Variants in NBPF14 observed in about 807,000 individuals in gnomAD.
NBPF14 encodes NBPF member 14.
NBPF14 carries 104 observed loss-of-function variants against 91.2 expected under a neutral mutation model. That is an observed-to-expected ratio of 1.14 (90% CI 0.97 to 1.34). NBPF14 has a LOEUF of 1.34. Among genes scored for constraint, NBPF14 ranks in the 40% most tolerant of loss-of-function variants. The pLI is 0.00. For synonymous variants in NBPF14, 294 were observed against 303.8 expected (o/e 0.97, Z 0.34); for missense variants, 908 against 783.0 (o/e 1.16, Z -1.91).
chr1:148,535,254 C>T (rs1446573709), intron 68 of NBPF14, among the ~76,000 whole-genome samples, 199 bp downstream of exon 68: 1 of 150,678 alleles, frequency 6.6e-6, no homozygotes, highest in African/African-American at 2.5e-5. Context: ...TATGGTCAAC[C>T]TACAGTAAGT....
intron 69 of NBPF14, 38 bp downstream of exon 69, chr1:148,534,646 C>A (rs1321537481): frequency 5.8e-6 from 5 of 863,404 alleles, no homozygotes; most frequent in Admixed American, 1.7e-5. Context: ...TCTGGAAGAC[C>A]AGGTGGAGGC....
intron 24 of NBPF14, 121 bp from the exon 25 acceptor site, chr1:148,569,548 G>A (rs1190687572): frequency 3.7e-5 from 11 of 295,648 alleles, no homozygotes; most frequent in African/African-American, 1.2e-4. Context: ...ATCCATTAAT[G>A]AGGTAACAAA....
chr1:148,557,275 A>T (rs1656798669), intron 40 of NBPF14, among the ~76,000 whole-genome samples: 3 of 103,802 alleles, frequency 2.9e-5, no homozygotes, highest in Admixed American at 9.8e-5. Flanking sequence ...CAGTTTTTGA[A>T]GTCTGGTCCA....
intron 12 of NBPF14, among the ~76,000 whole-genome samples, chr1:148,579,834 C>CA (rs1660630874): frequency 1.3e-5 from 2 of 152,104 alleles, no homozygotes; most frequent in Non-Finnish European, 2.9e-5. Context: ...CAGCAAACTC[C>CA]AACAGACCTG....
intron 69 of NBPF14, 41 bp downstream of exon 69, chr1:148,534,643 G>C (rs1488489740): frequency 2.8e-5 from 24 of 870,650 alleles, no homozygotes; most frequent in Non-Finnish European, 4.3e-5. Flanking sequence ...CTATCTGGAA[G>C]ACCAGGTGGA....
In NBPF14 at chr1:148,566,508, GACACACACACAC is replaced by G. The variant is rs1170223898; in HGVS notation, c.3543-205_3543-194del. Among the ~76,000 whole-genome samples the G allele has an allele frequency of 2.0e-4, 24 of 122,088 alleles. 3 individuals are homozygous for G. Among genetic ancestry groups the G allele is most frequent in the South Asian group, 1.9e-3 (7 of 3,728 alleles). The allele number at this position is 122,088 out of a possible 152,430, so 80.1% of individuals were successfully genotyped here. A position where few individuals can be genotyped will look rare whatever the true frequency, so the allele number is the denominator to read the frequency against. On this transcript the variant is annotated intron_variant, in intron 28 of 70. Transcript: ENST00000619423. ...TGGAAAAGAATGAAAGAGAAAGACA[GACACACACACAC>G]ACACACACACACACACACACAAACA...
At chr1:148,559,286 T>C (rs1428985789) in intron 37 of NBPF14, among the ~76,000 whole-genome samples, 2 of 115,182 alleles carry the variant, frequency 1.7e-5, no homozygotes, top group Non-Finnish European at 3.2e-5. Flanking sequence ...CCTATTCTGG[T>C]AGATCGTTAT....
At chr1:148,590,030 CAG>C (rs1394343360) in intron 6 of NBPF14, among the ~76,000 whole-genome samples, 30 of 124,160 alleles carry the variant, frequency 2.4e-4, no homozygotes, top group African/African-American at 8.6e-4. Context: ...CGCCCCTGGT[CAG>C]AGACTTACTT....
chr1:148,584,944 G>A (rs1378904178), intron 10 of NBPF14, among the ~76,000 whole-genome samples, 197 bp downstream of exon 10: 5 of 147,260 alleles, frequency 3.4e-5, no homozygotes, highest in African/African-American at 9.8e-5. Context: ...ATCCCTGTAC[G>A]GTGCAGACAT....
rs1390985459 is a variant in NBPF14 at position 148,572,734 on chromosome 1, A to G, written c.2586-119T>C. On this transcript the variant is annotated intron_variant, in intron 20 of 70. Coordinates refer to ENST00000619423, the Ensembl canonical transcript of NBPF14. Reference sequence around the variant, plus strand: ...GAAAAGAAAAAGGACAGATCCATTAATGAGGTAACAAATTATTGCCTTTAT... The same window carrying G: ...GAAAAGAAAAAGGACAGATCCATTAGTGAGGTAACAAATTATTGCCTTTAT... 8.4e-6 allele frequency: 5 copies of G among 591,814 alleles called. 1 individual carries two copies. Among genetic ancestry groups the G allele is most frequent in the Admixed American group, 4.8e-5 (2 of 41,438 alleles). The allele number at this position is 591,814 out of a possible 1,614,324, so 36.7% of individuals were successfully genotyped here.
At position 148,577,647 on chromosome 1, in the gene NBPF14, C is replaced by G. The variant is rs1229222512; in HGVS notation, c.1854-292G>C. 3.4e-5 allele frequency among the ~76,000 whole-genome samples: 5 copies of G among 149,086 alleles called. No homozygotes were observed. The East Asian group carries it at 7.9e-4, about 23-fold the overall frequency. On this transcript the variant is annotated intron_variant, in intron 14 of 70. Transcript: ENST00000619423. Reference sequence around the variant, plus strand: ...ACTGATGAGGGAGTCAAAGGACACTCTGTATTTGTGCTCTCAGGACACACA... The same window carrying G: ...ACTGATGAGGGAGTCAAAGGACACTGTGTATTTGTGCTCTCAGGACACACA...
rs1320767531 is a variant in NBPF14, at chr1:148,587,415, C to A, written c.989-12G>T. 1.6e-5 allele frequency: 25 copies of A among 1,568,680 alleles called. No homozygotes were observed. The highest frequency in any genetic ancestry group is 2.2e-5 in the Non-Finnish European group (25 of 1,150,430). On this transcript the variant is annotated splice_polypyrimidine_tract_variant and intron_variant, in intron 7 of 70. Transcript: ENST00000619423. ...GCACTCTTCATATTCTGAGAAAAGA[C>A]AGACACACCTACCTCAGTGGAAGGC...
intron 36 of NBPF14, among the ~76,000 whole-genome samples, chr1:148,560,261 T>C (rs1657582492): frequency 1.4e-5 from 2 of 146,434 alleles, no homozygotes; most frequent in African/African-American, 5.3e-5. Context: ...ACACTCTGAG[T>C]TAGTGCCCTC....
rs1195683786 is a variant in NBPF14 at position 148,559,967 on chromosome 1, T to A, written c.4557-2A>T. 7.6e-6 allele frequency: 10 copies of A among 1,319,456 alleles called. 1 individual carries two copies. Among genetic ancestry groups the A allele is most frequent in the East Asian group, 2.5e-5 (1 of 39,696 alleles). The allele number at this position is 1,319,456 out of a possible 1,614,324, so 81.7% of individuals were successfully genotyped here. On this transcript the variant is annotated splice_acceptor_variant, in intron 36 of 70. Coordinates refer to ENST00000619423, the Ensembl canonical transcript of NBPF14. LOFTEE classifies it high-confidence loss of function. ...TCATGCAGCAGCTCCCTGCTGAGCC[T>A]GGAAAAGTGGAAAAAAGTAAAGAAT...
At chr1:148,572,447 C>T in exon 21 of NBPF14, 1 of 507,052 alleles carries the variant, frequency 2.0e-6, no homozygotes, top group Non-Finnish European at 3.4e-6. Context: ...ACTCACTGTC[C>T]ACGTCAAGAG....
At chr1:148,534,423 C>A (rs1654547376) in intron 69 of NBPF14, among the ~76,000 whole-genome samples, 2 of 151,766 alleles carry the variant, frequency 1.3e-5, no homozygotes, top group African/African-American at 2.4e-5. Context: ...TTTGTCACAT[C>A]TGCCCAGGTC....
At chr1:148,561,901 T>A (rs1570952040) in intron 34 of NBPF14, among the ~76,000 whole-genome samples, 1 of 128,100 alleles carries the variant, frequency 7.8e-6, no homozygotes, top group Non-Finnish European at 1.5e-5. Context: ...AACAGGACAC[T>A]CTGAGTTAGT....
chr1:148,577,503 G>T (rs1447575052), intron 14 of NBPF14, 148 bp from the exon 15 acceptor site: 2 of 706,600 alleles, frequency 2.8e-6, no homozygotes, highest in East Asian at 2.7e-5. Context: ...CCTTTATGTT[G>T]GGATAGACTA....
chr1:148,591,237 G>T (rs1662417424), intron 5 of NBPF14, among the ~76,000 whole-genome samples, 195 bp downstream of exon 5: 1 of 148,526 alleles, frequency 6.7e-6, no homozygotes, highest in Non-Finnish European at 1.5e-5. Context: ...TCCCTGTATG[G>T]TACAGACATG....
Sources: allele counts gnomAD v4.1 joint callset (sites outside exome capture counted in the v4.1 genomes callset), GRCh38; gene constraint gnomAD v4.1.1; transcripts MANE v1.5; gene names NCBI Gene and HGNC (gene_info 2026-07-23, HGNC 2026-07-21).